DPP10: variants seen among roughly 807,000 people sequenced by gnomAD.
DPP10 encodes the protein dipeptidyl peptidase like 10.
In DPP10, 33 loss-of-function variants were observed where a neutral mutation model predicts 120.9. That is an observed-to-expected ratio of 0.27 (90% CI 0.21 to 0.37). The LOEUF is 0.37. DPP10 is among the 10% of genes least tolerant of loss of function. The pLI, the probability that DPP10 is intolerant of heterozygous loss-of-function variation, is 1.00. For synonymous variants in DPP10, 337 were observed against 326.1 expected (o/e 1.03, Z -0.36); for missense variants, 816 against 942.8 (o/e 0.87, Z 1.76).
intron 1 of DPP10, among the ~76,000 whole-genome samples, chr2:114,618,240 A>G (rs965156360): frequency 1.3e-5 from 2 of 152,034 alleles, no homozygotes; most frequent in Non-Finnish European, 2.9e-5. Flanking sequence ...CATGCTTGTC[A>G]TGTAATTGTT....
At chr2:114,604,250 A>G (rs1392062792) in intron 1 of DPP10, among the ~76,000 whole-genome samples, 1 of 152,036 alleles carries the variant, frequency 6.6e-6, no homozygotes, top group Non-Finnish European at 1.5e-5. Context: ...CTTATCAGGG[A>G]ATGGTGGGAA....
chr2:115,459,938 T>TATATATATATATATATATATACAC (rs66927327), intron 3 of DPP10, among the ~76,000 whole-genome samples: 34 of 128,494 alleles, frequency 2.6e-4, no homozygotes, highest in African/African-American at 7.7e-4. Flanking sequence ...TATATATATA[T>TATATATATATATATATATATACAC]ACACACACAC....
chr2:115,781,892 A>G (rs886458625), intron 16 of DPP10, among the ~76,000 whole-genome samples: 2 of 152,176 alleles, frequency 1.3e-5, no homozygotes, highest in Admixed American at 6.5e-5. Flanking sequence ...ATTAATATAT[A>G]GTTACCACCC....
intron 1 of DPP10, among the ~76,000 whole-genome samples, chr2:115,036,199 G>A (rs78784161): frequency 0.046 from 7,028 of 152,198 alleles, 248 homozygotes; most frequent in East Asian, 0.17. Flanking sequence ...CCAGACCCTT[G>A]TAAAATCATC....
In DPP10 at chr2:114,740,521, A is replaced by T. The variant is rs566105354; in HGVS notation, c.60+297683A>T. ...TTAAAGTAATAATAAAATAAAAATT[A>T]AAAAAAAACTTAAATGTACTTCTAT... is the stretch of plus-strand genomic sequence containing the variant. On this transcript the variant is annotated intron_variant, in intron 1 of 25. Transcript: ENST00000410059. Among the ~76,000 whole-genome samples, 223 of 149,550 alleles carry T rather than the reference A, an allele frequency of 1.5e-3. 2 individuals are homozygous for T. The Middle Eastern group carries it at 0.027, about 18-fold the overall frequency.
At chr2:114,465,056 A>T (rs1679241186) in intron 1 of DPP10, among the ~76,000 whole-genome samples, 1 of 152,044 alleles carries the variant, frequency 6.6e-6, no homozygotes, top group Non-Finnish European at 1.5e-5. Context: ...ACTGGAGGGG[A>T]ACTATTGCGT....
intron 1 of DPP10, among the ~76,000 whole-genome samples, chr2:115,004,409 C>A (rs1251869687): frequency 6.6e-6 from 1 of 152,156 alleles, no homozygotes; most frequent in Non-Finnish European, 1.5e-5. Flanking sequence ...AGCTCCCAGC[C>A]TGAGCGACGC....
intron 10 of DPP10, among the ~76,000 whole-genome samples, chr2:115,746,646 A>C (rs983655663): frequency 1.3e-5 from 2 of 152,106 alleles, no homozygotes; most frequent in Non-Finnish European, 2.9e-5. Flanking sequence ...AAAATATCCT[A>C]TGTATGAAAT....
intron 3 of DPP10, among the ~76,000 whole-genome samples, chr2:115,370,083 G>A (rs1238828277): frequency 6.6e-6 from 1 of 151,970 alleles, no homozygotes; most frequent in Non-Finnish European, 1.5e-5. Flanking sequence ...ACTTTAAATT[G>A]GTTTTAATAT....
chr2:115,735,005 T>C (rs1051628838), intron 8 of DPP10, among the ~76,000 whole-genome samples: 2 of 152,172 alleles, frequency 1.3e-5, no homozygotes, highest in African/African-American at 4.8e-5. Flanking sequence ...GAGAGAATGC[T>C]ATACAATTTT....
chr2:115,744,737 G>A (rs1677730727), intron 9 of DPP10, among the ~76,000 whole-genome samples: 1 of 150,424 alleles, frequency 6.6e-6, no homozygotes, highest in Non-Finnish European at 1.5e-5. Context: ...CATATATTAT[G>A]TTGATTCTGG....
intron 1 of DPP10, among the ~76,000 whole-genome samples, chr2:115,119,331 T>C (rs2049702368): frequency 6.6e-6 from 1 of 152,194 alleles, no homozygotes; most frequent in Non-Finnish European, 1.5e-5. Context: ...ATCAGGAAGC[T>C]GCTAATCACC....
At chr2:115,044,550 G>A (rs1170809493) in intron 1 of DPP10, among the ~76,000 whole-genome samples, 2 of 151,894 alleles carry the variant, frequency 1.3e-5, no homozygotes, top group Non-Finnish European at 2.9e-5. Context: ...CTGGAAGGAT[G>A]GTGCTAAACA....
intron 1 of DPP10, among the ~76,000 whole-genome samples, chr2:114,670,257 C>G (rs921795689): frequency 7.9e-5 from 12 of 152,056 alleles, no homozygotes; most frequent in Non-Finnish European, 1.6e-4. Flanking sequence ...ATAGCAAAGA[C>G]TTGGAACCAA....
rs140783647 is a variant in DPP10 at position 114,939,623 on chromosome 2, G to A, written c.61-369616G>A. 1.9e-3 allele frequency among the ~76,000 whole-genome samples: 287 copies of A among 152,130 alleles called. 1 individual carries two copies. The highest frequency in any genetic ancestry group is 3.3e-3 in the Non-Finnish European group (221 of 67,968). ...AAAACCCAAGATATAGTTAAAATCTGTCAATTTTAATTGATATCACCAATA... is the reference window on the plus strand; with the variant it reads ...AAAACCCAAGATATAGTTAAAATCTATCAATTTTAATTGATATCACCAATA... On this transcript the variant is annotated intron_variant, in intron 1 of 25. Transcript: ENST00000410059.
At chr2:115,812,945 A>G (rs1686802095) in intron 19 of DPP10, among the ~76,000 whole-genome samples, 1 of 149,830 alleles carries the variant, frequency 6.7e-6, no homozygotes, top group African/African-American at 2.4e-5. Flanking sequence ...CCATAACTAA[A>G]TATCTCTGAC....
intron 1 of DPP10, among the ~76,000 whole-genome samples, chr2:115,026,795 C>T (rs1047367737): frequency 6.6e-6 from 1 of 152,170 alleles, no homozygotes; most frequent in African/African-American, 2.4e-5. Flanking sequence ...CCTCTGCCTC[C>T]CAAATGCTGG....
At chr2:114,767,207 C>CAAAAAAA (rs5833559) in intron 1 of DPP10, among the ~76,000 whole-genome samples, 14 of 33,060 alleles carry the variant, frequency 4.2e-4, no homozygotes, top group East Asian at 2.4e-3. Context: ...AGGATAAAAG[C>CAAAAAAA]AAAAAAAAAA....
intron 1 of DPP10, among the ~76,000 whole-genome samples, chr2:115,287,681 G>A (rs2060460603): frequency 6.6e-6 from 1 of 152,006 alleles, no homozygotes; most frequent in Non-Finnish European, 1.5e-5. Context: ...TCATTTGTCA[G>A]TACCCAAATC....
Sources: gnomAD v4.1 joint callset for allele counts (sites outside exome capture counted in the v4.1 genomes callset) on GRCh38, gnomAD v4.1.1 for gene constraint, MANE v1.5 for transcripts, NCBI Gene and HGNC (gene_info 2026-07-23, HGNC 2026-07-21) for gene names.